Variants in RETREG1 observed in about 807,000 individuals in gnomAD.
The protein encoded by RETREG1 is reticulophagy regulator 1, also known as family with sequence similarity 134 member B.
In RETREG1, 44 loss-of-function variants were observed where a neutral mutation model predicts 54.8. The observed-to-expected ratio is 0.80, with a 90% CI of 0.63 to 1.03. The LOEUF is 1.03. Ranked by LOEUF, RETREG1 falls within the 50% of genes least tolerant of loss-of-function variation. The pLI is 0.00. For synonymous variants in RETREG1, 217 were observed against 238.5 expected (o/e 0.91, Z 0.83); for missense variants, 554 against 605.1 (o/e 0.92, Z 0.89).
intron 3 of RETREG1, among the ~76,000 whole-genome samples, chr5:16,485,009 T>C (rs931526849): frequency 6.6e-6 from 1 of 152,132 alleles, no homozygotes; most frequent in Non-Finnish European, 1.5e-5. Flanking sequence ...ATTAAAATAC[T>C]AAGTGCATAG....
intron 1 of RETREG1, among the ~76,000 whole-genome samples, chr5:16,600,674 G>T (rs1044682418): frequency 1.3e-5 from 2 of 152,120 alleles, no homozygotes; most frequent in East Asian, 3.9e-4. Flanking sequence ...AGCACACTGC[G>T]CTCAGCCTTG....
intron 3 of RETREG1, 33 bp downstream of exon 3, chr5:16,565,730 C>T (rs375883372): frequency 1.2e-6 from 2 of 1,613,306 alleles, no homozygotes; most frequent in East Asian, 2.2e-5. Context: ...ACCCTCCCTC[C>T]ATTAAGCACA....
At chr5:16,504,278 C>T (rs902019771) in intron 3 of RETREG1, among the ~76,000 whole-genome samples, 6 of 151,830 alleles carry the variant, frequency 4.0e-5, no homozygotes, top group African/African-American at 1.4e-4. Flanking sequence ...TGTATATGTA[C>T]CACATTTTCT....
chr5:16,574,089 G>A (rs561128577), intron 1 of RETREG1, among the ~76,000 whole-genome samples: 1 of 152,124 alleles, frequency 6.6e-6, no homozygotes, highest in African/African-American at 2.4e-5. Flanking sequence ...GTCTGGGGAG[G>A]TGGATGCAAC....
chr5:16,498,256 G>A (rs922307945), intron 3 of RETREG1, among the ~76,000 whole-genome samples: 17 of 152,332 alleles, frequency 1.1e-4, no homozygotes, highest in African/African-American at 3.8e-4. Flanking sequence ...GGATGGGATA[G>A]TCTACTACGT....
At chr5:16,495,876 C>A (rs1441468994) in intron 3 of RETREG1, among the ~76,000 whole-genome samples, 2 of 152,040 alleles carry the variant, frequency 1.3e-5, no homozygotes, top group Non-Finnish European at 2.9e-5. Context: ...GACTAACAAA[C>A]CTAGCAGTCC....
intron 3 of RETREG1, among the ~76,000 whole-genome samples, chr5:16,498,906 AT>A (rs1204234583): frequency 6.6e-6 from 1 of 152,174 alleles, no homozygotes; most frequent in African/African-American, 2.4e-5. Context: ...TTCTTTAATA[AT>A]TCTCTTAGCT....
rs79044097 is a variant in RETREG1 at position 16,537,202 on chromosome 5, C to T, written c.458+28561G>A. The stretch of plus-strand genomic sequence containing the variant: ...TATGTTTAATCCACACTGCGACCTC[C>T]CAATTAAATTGAATTTTTCATGTAT... On this transcript the variant is annotated intron_variant, in intron 3 of 8. Transcript: ENST00000306320. 6.8e-3 allele frequency among the ~76,000 whole-genome samples: 1,042 copies of T among 152,272 alleles called. 5 individuals are homozygous for T. Among genetic ancestry groups the T allele is most frequent in the African/African-American group, 0.023 (972 of 41,546 alleles).
At chr5:16,503,777 CAGTT>C (rs1739828762) in intron 3 of RETREG1, among the ~76,000 whole-genome samples, 1 of 152,026 alleles carries the variant, frequency 6.6e-6, no homozygotes, top group African/African-American at 2.4e-5. Flanking sequence ...AGCCACAGCA[CAGTT>C]AGAATTAAAT....
At chr5:16,573,174 C>G (rs748612861) in intron 1 of RETREG1, among the ~76,000 whole-genome samples, 44 of 86,008 alleles carry the variant, frequency 5.1e-4, no homozygotes, top group Non-Finnish European at 4.6e-4. Flanking sequence ...GAGTGAGATT[C>G]TGTCTCAAAA....
At chr5:16,568,840 T>C (rs926042842) in intron 2 of RETREG1, among the ~76,000 whole-genome samples, 29 of 151,892 alleles carry the variant, frequency 1.9e-4, no homozygotes, top group Non-Finnish European at 8.8e-5. Context: ...AAAACAAAAA[T>C]AATAACTGGG....
chr5:16,484,851 G>A (rs1249689763), intron 3 of RETREG1, among the ~76,000 whole-genome samples: 1 of 152,090 alleles, frequency 6.6e-6, no homozygotes, highest in Non-Finnish European at 1.5e-5. Flanking sequence ...TATTCCTGCA[G>A]GTAGATTTCC....
At chr5:16,565,584 C>A (rs1372802450) in intron 3 of RETREG1, among the ~76,000 whole-genome samples, 179 bp downstream of exon 3, 1 of 152,128 alleles carries the variant, frequency 6.6e-6, no homozygotes, top group Non-Finnish European at 1.5e-5. Flanking sequence ...TAGAATGAGT[C>A]CCAACTTCAT....
intron 3 of RETREG1, among the ~76,000 whole-genome samples, chr5:16,499,755 AC>A: frequency 6.6e-6 from 1 of 152,358 alleles, no homozygotes; most frequent in Admixed American, 6.5e-5. Context: ...CCAGTGAAAC[AC>A]TTGCATGTTG....
intron 3 of RETREG1, among the ~76,000 whole-genome samples, chr5:16,528,374 T>C (rs1740789701): frequency 6.6e-6 from 1 of 152,222 alleles, no homozygotes; most frequent in South Asian, 2.1e-4. Context: ...TTTATATTCC[T>C]GGAAGCCTAT....
intron 2 of RETREG1, among the ~76,000 whole-genome samples, chr5:16,570,409 T>C (rs1254540929): frequency 6.6e-6 from 1 of 152,242 alleles, no homozygotes; most frequent in Non-Finnish European, 1.5e-5. Context: ...GCTTTGCCTT[T>C]GGCCTTCCAC....
At chr5:16,492,199 C>CCTCTCTCTCTCTCTCT (rs369038338) in intron 3 of RETREG1, among the ~76,000 whole-genome samples, 27 of 136,102 alleles carry the variant, frequency 2.0e-4, no homozygotes, top group African/African-American at 6.9e-4. Context: ...ACAGTGTTGT[C>CCTCTCTCTCTCTCTCT]CTCTCTCTCT....
chr5:16,477,222 C>CA (rs566403805), intron 8 of RETREG1, among the ~76,000 whole-genome samples: 4 of 151,738 alleles, frequency 2.6e-5, no homozygotes, highest in Admixed American at 1.3e-4. Context: ...ATTCATGCAC[C>CA]AAAAAAACAC....
intron 4 of RETREG1, 169 bp downstream of exon 4, chr5:16,483,177 T>C: frequency 1.4e-6 from 1 of 709,002 alleles, no homozygotes; most frequent in Non-Finnish European, 2.4e-6. Context: ...TTATCTAGTG[T>C]TCGCACACTC....
Sources: gnomAD v4.1 joint callset for allele counts (sites outside exome capture counted in the v4.1 genomes callset) on GRCh38, gnomAD v4.1.1 for gene constraint, MANE v1.5 for transcripts, NCBI Gene and HGNC (gene_info 2026-07-23, HGNC 2026-07-21) for gene names.